PRKAG2: variants seen among roughly 807,000 people sequenced by gnomAD.
PRKAG2 encodes protein kinase AMP-activated non-catalytic subunit gamma 2, also known as 5'-AMP-activated protein kinase subunit gamma-2.
Under a neutral mutation model 69.6 loss-of-function variants are expected in PRKAG2, and 26 were observed. The observed-to-expected ratio is 0.37, with a 90% CI of 0.27 to 0.52. The LOEUF is 0.52. PRKAG2 is among the 20% of genes least tolerant of loss of function. The pLI, the probability that PRKAG2 is intolerant of heterozygous loss-of-function variation, is 0.90. For missense variants in PRKAG2, 557 were observed against 740.0 expected, an observed-to-expected ratio of 0.75 and a Z score of 2.87; for synonymous variants, 293 against 285.0, an observed-to-expected ratio of 1.03 and a Z score of -0.28.
chr7:151,575,910 A>AG (rs1054287210), intron 7 of PRKAG2, among the ~76,000 whole-genome samples: 1 of 151,270 alleles, frequency 6.6e-6, no homozygotes, highest in African/African-American at 2.5e-5. Context: ...AAAAAAAAAA[A>AG]AAAGAAAAAA....
chr7:151,626,781 C>T (rs1277812949), intron 5 of PRKAG2, among the ~76,000 whole-genome samples: 2 of 151,982 alleles, frequency 1.3e-5, no homozygotes, highest in East Asian at 1.9e-4. Flanking sequence ...TTTCATTATA[C>T]TCCCCTCCCT....
chr7:151,727,774 A>T (rs996483760), intron 3 of PRKAG2, among the ~76,000 whole-genome samples: 1 of 152,186 alleles, frequency 6.6e-6, no homozygotes, highest in African/African-American at 2.4e-5. Context: ...TGGGAGGCGC[A>T]GGGCAGCCGG....
At chr7:151,816,536 C>T (rs1278104897) in intron 1 of PRKAG2, among the ~76,000 whole-genome samples, 1 of 152,192 alleles carries the variant, frequency 6.6e-6, no homozygotes, top group East Asian at 1.9e-4. Flanking sequence ...CTGTTGGGAT[C>T]ATGGATGAAC....
intron 2 of PRKAG2, among the ~76,000 whole-genome samples, chr7:151,782,582 C>A (rs949013391): frequency 1.3e-5 from 2 of 152,234 alleles, no homozygotes; most frequent in Admixed American, 6.5e-5. Context: ...AAATATCTCA[C>A]GTGCCCGCAG....
chr7:151,768,761 C>T (rs2075871532), intron 3 of PRKAG2, among the ~76,000 whole-genome samples: 1 of 152,230 alleles, frequency 6.6e-6, no homozygotes, highest in Non-Finnish European at 1.5e-5. Context: ...GCCACTGCAC[C>T]TGGCCAGTCT....
At chr7:151,806,828 G>A (rs1441512745) in intron 1 of PRKAG2, 15 of 371,480 alleles carry the variant, frequency 4.0e-5, no homozygotes, top group East Asian at 2.9e-4. Flanking sequence ...TTAGCTGGGC[G>A]TGTTGGTGCA....
chr7:151,785,077 G>A (rs922191539), intron 2 of PRKAG2, among the ~76,000 whole-genome samples: 1 of 152,262 alleles, frequency 6.6e-6, no homozygotes, highest in Non-Finnish European at 1.5e-5. Flanking sequence ...GAATGCAACC[G>A]GATGATTCCC....
intron 1 of PRKAG2, among the ~76,000 whole-genome samples, chr7:151,874,489 G>GATGTATATGTAT (rs1171791872): frequency 1.3e-5 from 1 of 76,220 alleles, no homozygotes; most frequent in African/African-American, 5.7e-5. Flanking sequence ...ATATGTATAT[G>GATGTATATGTAT]ATGTATATGT....
intron 15 of PRKAG2, chr7:151,557,887 A>AC: frequency 1.1e-5 from 11 of 977,070 alleles, no homozygotes; most frequent in Non-Finnish European, 1.3e-5. Flanking sequence ...AAAAAAAAAA[A>AC]AAACAAAAAA....
chr7:151,736,421 A>T, intron 3 of PRKAG2: 2 of 979,964 alleles, frequency 2.0e-6, no homozygotes, highest in Non-Finnish European at 1.2e-6. Context: ...AATTAAAAAA[A>T]GGAGGGAAGA....
chr7:151,852,174 G>T (rs1030398268), intron 1 of PRKAG2, among the ~76,000 whole-genome samples: 1 of 152,112 alleles, frequency 6.6e-6, no homozygotes, highest in East Asian at 1.9e-4. Flanking sequence ...CTGGTCGGGG[G>T]TCCCTGGGGC....
At chr7:151,696,233 G>A (rs950597223) in intron 3 of PRKAG2, among the ~76,000 whole-genome samples, 2 of 152,198 alleles carry the variant, frequency 1.3e-5, no homozygotes, top group Non-Finnish European at 2.9e-5. Context: ...AGCTTCAGCC[G>A]CAGCTCACAG....
chr7:151,817,026 C>T (rs753165760), intron 1 of PRKAG2, among the ~76,000 whole-genome samples: 2 of 151,850 alleles, frequency 1.3e-5, no homozygotes, highest in Non-Finnish European at 2.9e-5. Context: ...CAGGATCACT[C>T]ATTAGAGATT....
chr7:151,857,968 C>A (rs1330687785), intron 1 of PRKAG2, among the ~76,000 whole-genome samples: 2 of 152,232 alleles, frequency 1.3e-5, no homozygotes, highest in African/African-American at 4.8e-5. Context: ...GGTGCTGGGA[C>A]TTGCCTCTCC....
chr7:151,620,363 A>G (rs1821184823), intron 5 of PRKAG2, among the ~76,000 whole-genome samples: 2 of 151,950 alleles, frequency 1.3e-5, no homozygotes, highest in Non-Finnish European at 2.9e-5. Flanking sequence ...TTCTTTAGAG[A>G]TAGGATCACA....
chr7:151,576,432 A>T lies in PRKAG2; in HGVS notation c.885T>A (p.Ala295=), dbSNP rs1425474186. 1.9e-6 allele frequency: 3 copies of T among 1,608,242 alleles called. No individual in the cohort carries two copies. The highest frequency in any genetic ancestry group is 3.3e-4 in the Middle Eastern group (2 of 6,054). The part of the protein sequence containing the change: ...TTLQVKKAFF[A]LVANGVRAAP... ...CTGCTCGGACACCGTTGGCTACCAA[A>T]GCAAAGAAGGCCTTTTTAACCTGAA... Residue 295 remains alanine, a synonymous_variant, in exon 7 of 16, where the codon GCT becomes GCA. Transcript: ENST00000287878.
intron 1 of PRKAG2, among the ~76,000 whole-genome samples, chr7:151,852,725 G>A (rs971047372): frequency 6.6e-6 from 1 of 151,982 alleles, no homozygotes; most frequent in African/African-American, 2.4e-5. Flanking sequence ...ACCTGGAAGT[G>A]CTCCCATCCT....
chr7:151,593,329 A>C (rs1291059339), intron 6 of PRKAG2, among the ~76,000 whole-genome samples: 2 of 152,186 alleles, frequency 1.3e-5, no homozygotes, highest in African/African-American at 4.8e-5. Context: ...CTGGGACTAC[A>C]GGTGACTTCT....
chr7:151,770,310 A>T (rs562136719), intron 3 of PRKAG2, among the ~76,000 whole-genome samples: 63 of 152,296 alleles, frequency 4.1e-4, no homozygotes, highest in African/African-American at 1.5e-3. Flanking sequence ...GGCCTACTGT[A>T]ATCCATTTAA....
Sources: gnomAD v4.1 joint callset for allele counts (sites outside exome capture counted in the v4.1 genomes callset) on GRCh38, gnomAD v4.1.1 for gene constraint, MANE v1.5 for transcripts, NCBI Gene and HGNC (gene_info 2026-07-23, HGNC 2026-07-21) for gene names.